Variants in MSI2 observed in about 807,000 individuals in gnomAD.
The protein encoded by MSI2 is RNA-binding protein Musashi homolog 2.
A neutral mutation model predicts 45.6 loss-of-function variants in MSI2; 17 were observed. The observed-to-expected ratio is 0.37, with a 90% CI of 0.26 to 0.56. The LOEUF is 0.56. MSI2 is among the 20% of genes least tolerant of loss of function. The probability of loss-of-function intolerance (pLI) is 0.77; values close to 1 mark genes in which losing one functional copy is unlikely to be tolerated. For missense variants in MSI2, 293 were observed against 444.2 expected, an observed-to-expected ratio of 0.66 and a Z score of 3.06; for synonymous variants, 156 against 158.2, an observed-to-expected ratio of 0.99 and a Z score of 0.11.
intron 6 of MSI2, among the ~76,000 whole-genome samples, chr17:57,403,552 A>G (rs560338966): frequency 1.1e-4 from 16 of 152,218 alleles, no homozygotes. Context: ...AGACTTATCA[A>G]GTGTTTTATT....
At chr17:57,615,093 T>C (rs1907548348) in intron 8 of MSI2, among the ~76,000 whole-genome samples, 1 of 151,780 alleles carries the variant, frequency 6.6e-6, no homozygotes, top group African/African-American at 2.4e-5. Flanking sequence ...CCTGAACCTG[T>C]TGGGGAGGGC....
intron 7 of MSI2, among the ~76,000 whole-genome samples, chr17:57,561,252 T>A (rs1296751125): frequency 6.6e-6 from 1 of 152,154 alleles, no homozygotes; most frequent in Non-Finnish European, 1.5e-5. Flanking sequence ...CACAGGGTTC[T>A]GTCTAGGTGG....
rs568173449 is a variant in MSI2 at position 57,292,550 on chromosome 17, G to A, written c.312+30358G>A. On this transcript the variant is annotated intron_variant, in intron 5 of 13. Coordinates refer to ENST00000284073, the MANE Select transcript of MSI2 (RefSeq NM_138962.4). ...GCCAGTACTTCCATCAGAACCCCTC[G>A]GGGGTGCTTGTTAGAAATGGAGGTT... 3.3e-5 allele frequency among the ~76,000 whole-genome samples: 5 copies of A among 151,980 alleles called. No individual in the cohort carries two copies. The South Asian group carries it at 8.3e-4, about 25-fold the overall frequency.
At chr17:57,568,670 G>A (rs2087798640) in intron 7 of MSI2, among the ~76,000 whole-genome samples, 1 of 152,130 alleles carries the variant, frequency 6.6e-6, no homozygotes, top group South Asian at 2.1e-4. Flanking sequence ...ACTAAACCCG[G>A]TTTACTGCAA....
chr17:57,462,036 G>C (rs1302532714), intron 6 of MSI2, among the ~76,000 whole-genome samples: 1 of 152,168 alleles, frequency 6.6e-6, no homozygotes, highest in Admixed American at 6.5e-5. Flanking sequence ...ATAAGGGTGC[G>C]GGCAGGGTTG....
chr17:57,391,787 T>C (rs2083797063), intron 5 of MSI2, among the ~76,000 whole-genome samples: 1 of 152,248 alleles, frequency 6.6e-6, no homozygotes, highest in African/African-American at 2.4e-5. Flanking sequence ...TGCTGGGGCT[T>C]TAGAGGGGCC....
intron 5 of MSI2, among the ~76,000 whole-genome samples, chr17:57,331,285 G>A (rs924077587): frequency 6.6e-6 from 1 of 152,200 alleles, no homozygotes; most frequent in African/African-American, 2.4e-5. Flanking sequence ...AGGACACACT[G>A]TCCAGTCTTC....
At chr17:57,527,583 TG>T (rs1165535323) in intron 6 of MSI2, among the ~76,000 whole-genome samples, 1 of 152,230 alleles carries the variant, frequency 6.6e-6, no homozygotes, top group African/African-American at 2.4e-5. Flanking sequence ...AGGGGGCAGC[TG>T]CCTGCTGGAG....
At chr17:57,604,217 G>A (rs1227374390) in intron 8 of MSI2, among the ~76,000 whole-genome samples, 8 of 152,194 alleles carry the variant, frequency 5.3e-5, no homozygotes, top group South Asian at 2.1e-4. Context: ...TGCCTACCTC[G>A]GAGAGTGCTG....
chr17:57,515,662 T>TG (rs1189444727), intron 6 of MSI2, among the ~76,000 whole-genome samples: 1 of 152,152 alleles, frequency 6.6e-6, no homozygotes. Context: ...GAGGAAGCGA[T>TG]GGGGGAGTGT....
chr17:57,468,667 T>A (rs547496217), intron 6 of MSI2, among the ~76,000 whole-genome samples: 1 of 152,270 alleles, frequency 6.6e-6, no homozygotes, highest in African/African-American at 2.4e-5. Flanking sequence ...GAGAGGATCC[T>A]CAGGCACACA....
intron 7 of MSI2, among the ~76,000 whole-genome samples, chr17:57,591,677 AG>A (rs1290195576): frequency 6.6e-6 from 1 of 151,768 alleles, no homozygotes; most frequent in Non-Finnish European, 1.5e-5. Flanking sequence ...CAATGAGCCA[AG>A]ATTGTTCTAC....
chr17:57,679,133 T>G (rs1019086307), intron 13 of MSI2, among the ~76,000 whole-genome samples: 8 of 152,236 alleles, frequency 5.3e-5, no homozygotes, highest in African/African-American at 7.2e-5. Context: ...GTGGGGTTTT[T>G]TTTGTTTGTT....
At chr17:57,473,484 C>T (rs9904816) in intron 6 of MSI2, among the ~76,000 whole-genome samples, 54 of 152,262 alleles carry the variant, frequency 3.5e-4, no homozygotes, top group African/African-American at 1.2e-3. Context: ...GAAATGAAAA[C>T]AAACATTCCC....
chr17:57,258,415 C>T (rs548733496), intron 4 of MSI2, 61 bp downstream of exon 4: 1 of 1,369,950 alleles, frequency 7.3e-7, no homozygotes, highest in East Asian at 2.3e-5. Context: ...GCATTGACAG[C>T]CCCATTTAAA....
chr17:57,395,126 A>G (rs1056705792), intron 5 of MSI2, among the ~76,000 whole-genome samples: 1 of 152,172 alleles, frequency 6.6e-6, no homozygotes, highest in Non-Finnish European at 1.5e-5. Flanking sequence ...CCCTGCCTTC[A>G]TCTGCACATG....
At chr17:57,316,322 CT>C (rs35543887) in intron 5 of MSI2, among the ~76,000 whole-genome samples, 452 of 140,146 alleles carry the variant, frequency 3.2e-3, no homozygotes, top group Admixed American at 4.4e-3. Context: ...GTTATTGCTA[CT>C]TTTTTTTTTT....
At chr17:57,456,908 T>C (rs2085126904) in intron 6 of MSI2, among the ~76,000 whole-genome samples, 1 of 152,182 alleles carries the variant, frequency 6.6e-6, no homozygotes, top group African/African-American at 2.4e-5. Flanking sequence ...CAAGGCGTAT[T>C]TTCCCACCCA....
intron 8 of MSI2, among the ~76,000 whole-genome samples, chr17:57,597,395 C>T (rs1447261063): frequency 2.7e-5 from 4 of 148,174 alleles, no homozygotes; most frequent in Admixed American, 6.9e-5. Flanking sequence ...CTTTAGAAGG[C>T]CAAGGCAGGA....
Sources: gnomAD v4.1 joint callset for allele counts (sites outside exome capture counted in the v4.1 genomes callset) on GRCh38, gnomAD v4.1.1 for gene constraint, MANE v1.5 for transcripts, NCBI Gene and HGNC (gene_info 2026-07-23, HGNC 2026-07-21) for gene names.